The following SEMA6D variants were observed in gnomAD, a reference collection of about 807,000 sequenced individuals.
SEMA6D encodes semaphorin 6D.
A neutral mutation model predicts 106.6 loss-of-function variants in SEMA6D; 35 were observed. The ratio of observed to expected loss-of-function variants is 0.33; its 90% CI spans 0.25 to 0.44. The LOEUF is 0.44. SEMA6D is among the 20% of genes least tolerant of loss of function. SEMA6D has a pLI of 1.00. For synonymous variants in SEMA6D, 499 were observed against 487.7 expected (o/e 1.02, Z -0.31); for missense variants, 1,185 against 1,345.9 (o/e 0.88, Z 1.87).
intron 1 of SEMA6D, among the ~76,000 whole-genome samples, chr15:47,285,928 A>G (rs1230007016): frequency 6.6e-6 from 1 of 152,232 alleles, no homozygotes; most frequent in Non-Finnish European, 1.5e-5. Flanking sequence ...TTTATTGGAT[A>G]TTGGAAGATT....
At chr15:47,257,300 A>G (rs1016495250) in intron 1 of SEMA6D, among the ~76,000 whole-genome samples, 4 of 151,892 alleles carry the variant, frequency 2.6e-5, no homozygotes, top group Admixed American at 2.0e-4. Flanking sequence ...TTCGTGATCC[A>G]CCCGCCTTGG....
intron 4 of SEMA6D, among the ~76,000 whole-genome samples, chr15:47,703,444 G>T (rs919719053): frequency 1.3e-5 from 2 of 151,944 alleles, no homozygotes; most frequent in African/African-American, 4.8e-5. Context: ...TGTGATTTAT[G>T]CCACAGTATC....
intron 2 of SEMA6D, among the ~76,000 whole-genome samples, chr15:47,457,730 T>C (rs1057510080): frequency 2.0e-5 from 3 of 151,866 alleles, no homozygotes; most frequent in African/African-American, 7.2e-5. Context: ...GGAAAAAATA[T>C]TTGAGGAAAT....
chr15:47,446,007 C>T (rs2042016915), intron 2 of SEMA6D, among the ~76,000 whole-genome samples: 2 of 152,144 alleles, frequency 1.3e-5, no homozygotes, highest in South Asian at 4.1e-4. Flanking sequence ...CTTCCCTTCC[C>T]CCTCAAGGAA....
intron 4 of SEMA6D, among the ~76,000 whole-genome samples, chr15:47,621,797 T>A (rs2077104376): frequency 6.6e-6 from 1 of 152,172 alleles, no homozygotes; most frequent in Non-Finnish European, 1.5e-5. Flanking sequence ...CATAATTCAA[T>A]CAATTCCACC....
At chr15:47,225,925 A>G (rs1402719682) in intron 1 of SEMA6D, among the ~76,000 whole-genome samples, 1 of 152,102 alleles carries the variant, frequency 6.6e-6, no homozygotes, top group Non-Finnish European at 1.5e-5. Flanking sequence ...ATACACACAT[A>G]TAGTAACACA....
intron 1 of SEMA6D, among the ~76,000 whole-genome samples, chr15:47,356,403 AC>A (rs1157891353): frequency 1.3e-5 from 2 of 152,210 alleles, no homozygotes; most frequent in Admixed American, 1.3e-4. Flanking sequence ...GCCCCACAGT[AC>A]ACCTGGAGGC....
At chr15:47,385,527 G>C (rs1256349624) in intron 1 of SEMA6D, among the ~76,000 whole-genome samples, 2 of 152,006 alleles carry the variant, frequency 1.3e-5, no homozygotes, top group Non-Finnish European at 2.9e-5. Context: ...ATTTTTCATA[G>C]CCTGCTTTGA....
intron 3 of SEMA6D, among the ~76,000 whole-genome samples, chr15:47,591,849 C>T (rs1016039658): frequency 2.0e-5 from 3 of 151,986 alleles, no homozygotes; most frequent in East Asian, 3.8e-4. Context: ...AAGTTATGTG[C>T]TGACACTGGT....
At position 47,765,064 on chromosome 15, in the gene SEMA6D, T is replaced by C; in HGVS notation, c.1427+8T>C. On this transcript the variant is annotated splice_region_variant and intron_variant, in intron 13 of 18. Coordinates refer to ENST00000536845, the MANE Select transcript of SEMA6D (RefSeq NM_001358351.3). ...AGCCTACAACCATGCAAAGTAGGTA[T>C]ATGTTACGAGAACGCCCTTCAGCAC... is the stretch of plus-strand genomic sequence containing the variant. The C allele has an allele frequency of 6.2e-7, 1 of 1,613,524 alleles. No individual in the cohort carries two copies. The highest frequency in any genetic ancestry group is 8.5e-7 in the Non-Finnish European group (1 of 1,179,610).
chr15:47,601,102 G>A (rs1180516279), intron 4 of SEMA6D, among the ~76,000 whole-genome samples: 3 of 149,260 alleles, frequency 2.0e-5, no homozygotes, highest in Non-Finnish European at 4.5e-5. Flanking sequence ...GAGAATGAGA[G>A]AGAGAGAGAG....
intron 3 of SEMA6D, among the ~76,000 whole-genome samples, chr15:47,480,194 C>A (rs1425601013): frequency 3.3e-5 from 5 of 151,958 alleles, no homozygotes; most frequent in African/African-American, 1.2e-4. Context: ...TTCCTGTGTT[C>A]TTTTTATTTC....
chr15:47,740,907 G>A (rs1386562995), intron 1 of SEMA6D, among the ~76,000 whole-genome samples: 1 of 152,182 alleles, frequency 6.6e-6, no homozygotes, highest in Non-Finnish European at 1.5e-5. Context: ...CAATACTTAA[G>A]ATTTAGGGAG....
At chr15:47,202,021 T>C (rs1313114080) in intron 1 of SEMA6D, among the ~76,000 whole-genome samples, 1 of 151,926 alleles carries the variant, frequency 6.6e-6, no homozygotes, top group African/African-American at 2.4e-5. Context: ...AAAGCTTTGT[T>C]TGGGAAATTG....
intron 1 of SEMA6D, among the ~76,000 whole-genome samples, chr15:47,734,578 G>A (rs533689468): frequency 1.5e-3 from 223 of 152,276 alleles, no homozygotes; most frequent in Non-Finnish European, 2.6e-3. Flanking sequence ...AAGAGCCACA[G>A]AATTTGCGTC....
intron 1 of SEMA6D, among the ~76,000 whole-genome samples, chr15:47,267,229 A>G (rs2034359306): frequency 6.6e-6 from 1 of 152,116 alleles, no homozygotes; most frequent in Non-Finnish European, 1.5e-5. Flanking sequence ...TTCTTGATAT[A>G]TACTTTTGTT....
intron 1 of SEMA6D, among the ~76,000 whole-genome samples, chr15:47,348,870 A>C (rs906721203): frequency 3.9e-5 from 6 of 152,062 alleles, no homozygotes; most frequent in Admixed American, 6.6e-5. Context: ...TCCTGATGAG[A>C]GTTGTCCTGT....
intron 1 of SEMA6D, among the ~76,000 whole-genome samples, chr15:47,411,540 T>G (rs2140298341): frequency 6.6e-6 from 1 of 152,296 alleles, no homozygotes; most frequent in East Asian, 1.9e-4. Context: ...TCAAACAAGC[T>G]AACATACACA....
At chr15:47,768,440 GCTTCCT>G in intron 17 of SEMA6D, 135 bp from the exon 18 acceptor site, 2 of 592,734 alleles carry the variant, frequency 3.4e-6, no homozygotes, top group Admixed American at 3.2e-5. Flanking sequence ...ATTTGATGTA[GCTTCCT>G]CAGGCGTGTT....
Sources: allele counts gnomAD v4.1 joint callset (sites outside exome capture counted in the v4.1 genomes callset), GRCh38; gene constraint gnomAD v4.1.1; transcripts MANE v1.5; gene names NCBI Gene and HGNC (gene_info 2026-07-23, HGNC 2026-07-21).